MAF: variants seen among roughly 807,000 people sequenced by gnomAD.
The protein encoded by MAF is MAF bZIP transcription factor, also known as transcription factor Maf.
Under a neutral mutation model 22.0 loss-of-function variants are expected in MAF, and 10 were observed. The ratio of observed to expected loss-of-function variants is 0.45; its 90% CI spans 0.28 to 0.77. The LOEUF is 0.77. Among genes scored for constraint, MAF ranks in the 30% least tolerant of loss-of-function variants. MAF has a pLI of 0.12. For synonymous variants in MAF, 337 were observed against 255.8 expected (o/e 1.32, Z -3.03); for missense variants, 544 against 548.4 (o/e 0.99, Z 0.08).
the MAF span, chr16:79,203,419 T>C: frequency 1.3e-5 from 2 of 152,004 alleles, no homozygotes; most frequent in Admixed American, 1.3e-4. Flanking sequence ...GCAAAGTACA[T>C]CCTCTTAATT....
chr16:79,211,790 C>T, the MAF span: 12,208 of 1,614,096 alleles, frequency 7.6e-3, 72 homozygotes, highest in Non-Finnish European at 8.1e-3. Flanking sequence ...GCAGCCAGTC[C>T]GGCTAAGTGG....
At chr16:79,573,471 C>T in the MAF span, among the ~76,000 whole-genome samples, 1 of 152,188 alleles carries the variant, frequency 6.6e-6, no homozygotes, top group Non-Finnish European at 1.5e-5. Context: ...AAATTCCCCG[C>T]CCTTTCTTCC....
chr16:79,206,658 C>T, the MAF span: 1 of 152,296 alleles, frequency 6.6e-6, no homozygotes, highest in South Asian at 2.1e-4. Flanking sequence ...TTGGAGTAGA[C>T]ATCTCTGTTC....
the MAF span, among the ~76,000 whole-genome samples, chr16:79,577,918 A>G: frequency 1.3e-5 from 2 of 152,116 alleles, no homozygotes; most frequent in Non-Finnish European, 2.9e-5. Context: ...TGACCTTTGC[A>G]GAAACTGAGC....
At chr16:79,547,647 A>G in the MAF span, among the ~76,000 whole-genome samples, 6 of 152,186 alleles carry the variant, frequency 3.9e-5, no homozygotes, top group Admixed American at 3.9e-4. Context: ...ATGTAACCCA[A>G]TTCACTGTGA....
the MAF span, among the ~76,000 whole-genome samples, chr16:79,291,937 A>C: frequency 2.0e-5 from 3 of 151,318 alleles, no homozygotes. Flanking sequence ...GATGGTTCTC[A>C]TGAGGGTACA....
the MAF span, among the ~76,000 whole-genome samples, chr16:79,549,130 A>G: frequency 6.6e-6 from 1 of 152,208 alleles, no homozygotes; most frequent in Non-Finnish European, 1.5e-5. Context: ...TGCAAAGTGC[A>G]TACATATAGT....
chr16:79,582,764 C>T (rs1389929043), downstream of MAF, among the ~76,000 whole-genome samples: 1 of 152,220 alleles, frequency 6.6e-6, no homozygotes, highest in Non-Finnish European at 1.5e-5. Context: ...TAGCTTAAGA[C>T]ATACTCGTCG....
the MAF span, among the ~76,000 whole-genome samples, chr16:79,501,905 C>G: frequency 6.6e-6 from 1 of 152,084 alleles, no homozygotes. Flanking sequence ...GTATTTTTCC[C>G]CCGCCAGCGG....
chr16:79,567,472 T>C, the MAF span, among the ~76,000 whole-genome samples: 6 of 152,172 alleles, frequency 3.9e-5, no homozygotes, highest in African/African-American at 1.4e-4. Context: ...AGGCAAGGGA[T>C]TTTTTTGTTT....
chr16:79,393,129 CT>C, the MAF span, among the ~76,000 whole-genome samples: 8 of 152,250 alleles, frequency 5.3e-5, no homozygotes, highest in Non-Finnish European at 1.0e-4. Context: ...TGATTATACT[CT>C]TCAGCACTTA....
At chr16:79,517,483 T>C in the MAF span, among the ~76,000 whole-genome samples, 1 of 151,902 alleles carries the variant, frequency 6.6e-6, no homozygotes, top group Non-Finnish European at 1.5e-5. Flanking sequence ...TTCAAATAAG[T>C]GATCATTCCA....
the MAF span, among the ~76,000 whole-genome samples, chr16:79,440,581 A>G: frequency 6.6e-6 from 1 of 152,098 alleles, no homozygotes; most frequent in African/African-American, 2.4e-5. Context: ...AACTACAGGT[A>G]TGCGCCACCA....
At chr16:79,501,497 G>T in the MAF span, among the ~76,000 whole-genome samples, 2 of 152,138 alleles carry the variant, frequency 1.3e-5, no homozygotes, top group African/African-American at 4.8e-5. Flanking sequence ...AGTTAATCTA[G>T]CAGAAGTCTT....
the MAF span, among the ~76,000 whole-genome samples, chr16:79,314,308 C>A: frequency 6.6e-6 from 1 of 152,160 alleles, no homozygotes; most frequent in Non-Finnish European, 1.5e-5. Context: ...CTCCCAAAGT[C>A]CCTCAGTTCA....
At chr16:79,362,051 G>A in the MAF span, among the ~76,000 whole-genome samples, 2,106 of 152,210 alleles carry the variant, frequency 0.014, 12 homozygotes, top group Middle Eastern at 0.027. Context: ...AACTCTCTGG[G>A]TTTATAATCC....
chr16:79,320,421 G>C, the MAF span, among the ~76,000 whole-genome samples: 4 of 152,178 alleles, frequency 2.6e-5, no homozygotes, highest in African/African-American at 9.7e-5. Context: ...TGCTTCATGA[G>C]GCAGAGTGGG....
the MAF span, among the ~76,000 whole-genome samples, chr16:79,567,499 CT>C: frequency 2.0e-5 from 3 of 151,924 alleles, no homozygotes; most frequent in Non-Finnish European, 4.4e-5. Context: ...TTTGCTTTTT[CT>C]TTTTTAAAAA....
chr16:79,375,994 T>G, the MAF span, among the ~76,000 whole-genome samples: 1 of 152,058 alleles, frequency 6.6e-6, no homozygotes, highest in Non-Finnish European at 1.5e-5. Context: ...GGAAAACAAA[T>G]CAACCTTAGA....
Sources: allele counts gnomAD v4.1 joint callset (sites outside exome capture counted in the v4.1 genomes callset), GRCh38; gene constraint gnomAD v4.1.1; transcripts MANE v1.5; gene names NCBI Gene and HGNC (gene_info 2026-07-23, HGNC 2026-07-21).